GRIP1: variants seen among roughly 807,000 people sequenced by gnomAD.
GRIP1 encodes the protein glutamate receptor-interacting protein 1.
GRIP1 carries 45 observed loss-of-function variants against 129.9 expected under a neutral mutation model. The ratio of observed to expected loss-of-function variants is 0.35; its 90% confidence interval spans 0.27 to 0.44. The LOEUF (loss-of-function observed/expected upper bound fraction) is 0.44, where lower values mean the gene tolerates loss of function less well. Ranked by LOEUF, GRIP1 falls within the 20% of genes least tolerant of loss-of-function variation. The pLI is 1.00. For synonymous variants in GRIP1, 530 were observed against 520.8 expected (o/e 1.02, Z -0.24); for missense variants, 1,196 against 1,396.8 (o/e 0.86, Z 2.29).
At chr12:66,610,030 A>C (rs1006774372) in intron 1 of GRIP1, among the ~76,000 whole-genome samples, 1 of 152,160 alleles carries the variant, frequency 6.6e-6, no homozygotes, top group African/African-American at 2.4e-5. Flanking sequence ...TCAAGAAGTC[A>C]AAGCTTTAGA....
At chr12:66,692,694 T>C (rs1186864418) in intron 1 of GRIP1, among the ~76,000 whole-genome samples, 1 of 152,178 alleles carries the variant, frequency 6.6e-6, no homozygotes, top group South Asian at 2.1e-4. Flanking sequence ...CTAGGACCAC[T>C]GAGCACCACA....
chr12:66,584,654 A>T (rs2063543789), intron 2 of GRIP1, among the ~76,000 whole-genome samples: 1 of 152,190 alleles, frequency 6.6e-6, no homozygotes. Flanking sequence ...TGGGAATGTC[A>T]CGGGCCTCAG....
intron 19 of GRIP1, among the ~76,000 whole-genome samples, chr12:66,387,888 T>C (rs1202897565): frequency 6.6e-6 from 1 of 152,224 alleles, no homozygotes; most frequent in Non-Finnish European, 1.5e-5. Context: ...TGACATTAAA[T>C]AAAGTTGGAC....
At chr12:66,463,181 T>G in intron 8 of GRIP1, 88 bp from the exon 9 acceptor site, 2 of 1,147,044 alleles carry the variant, frequency 1.7e-6, no homozygotes, top group Non-Finnish European at 2.6e-6. Context: ...AATTTCACAG[T>G]TTTTCATTTA....
chr12:66,951,596 T>C (rs1043077716), intron 1 of GRIP1, among the ~76,000 whole-genome samples: 2 of 152,170 alleles, frequency 1.3e-5, no homozygotes, highest in Non-Finnish European at 2.9e-5. Flanking sequence ...TTTAAAAAGA[T>C]TGCTCTGGCT....
At chr12:66,982,762 C>T (rs2042257673) in intron 1 of GRIP1, among the ~76,000 whole-genome samples, 1 of 152,074 alleles carries the variant, frequency 6.6e-6, no homozygotes, top group Admixed American at 6.6e-5. Context: ...TGTGAGAGAC[C>T]TTGAGACACA....
intron 1 of GRIP1, among the ~76,000 whole-genome samples, chr12:66,928,712 G>C (rs572877718): frequency 6.6e-6 from 1 of 152,190 alleles, no homozygotes; most frequent in Non-Finnish European, 1.5e-5. Flanking sequence ...GAAGTAGCTT[G>C]TCAAAAGCAT....
At position 66,526,610 on chromosome 12, in the gene GRIP1, T is replaced by C. The variant is rs575043348; in HGVS notation, c.502+3221A>G. Among the ~76,000 whole-genome samples the C allele has an allele frequency of 2.4e-3, 358 of 152,164 alleles. 1 individual carries two copies. The highest frequency in any genetic ancestry group is 1.5e-3 in the Non-Finnish European group (105 of 68,012). On this transcript the variant is annotated intron_variant, in intron 5 of 24. Transcript: ENST00000359742. ...AACCTAGGCAATATCATTCAGGACATAGGCATGGGCAAGGACTTCATGTCT... is the reference window on the plus strand; with the variant it reads ...AACCTAGGCAATATCATTCAGGACACAGGCATGGGCAAGGACTTCATGTCT...
At chr12:66,588,976 C>CA (rs71278230) in intron 2 of GRIP1, among the ~76,000 whole-genome samples, 33,330 of 135,162 alleles carry the variant, frequency 0.25, 4,091 homozygotes, top group Admixed American at 0.28. Flanking sequence ...CCCCCTCCTA[C>CA]AAAAAAAAAA....
intron 1 of GRIP1, among the ~76,000 whole-genome samples, chr12:66,913,163 A>G (rs1350733582): frequency 6.6e-6 from 1 of 152,186 alleles, no homozygotes; most frequent in Non-Finnish European, 1.5e-5. Flanking sequence ...TTGAAACTCC[A>G]AAATACCATA....
At chr12:66,661,178 A>G (rs1197663720) in intron 1 of GRIP1, among the ~76,000 whole-genome samples, 1 of 152,052 alleles carries the variant, frequency 6.6e-6, no homozygotes, top group Non-Finnish European at 1.5e-5. Flanking sequence ...CTGAAAGCAG[A>G]ACTGTCCTTC....
chr12:66,533,495 A>G (rs1423498208), intron 4 of GRIP1, among the ~76,000 whole-genome samples: 1 of 152,044 alleles, frequency 6.6e-6, no homozygotes, highest in Non-Finnish European at 1.5e-5. Flanking sequence ...AAATATAAAA[A>G]TTAGCCGGAC....
At chr12:66,583,199 GC>G (rs2063474904) in intron 2 of GRIP1, among the ~76,000 whole-genome samples, 1 of 150,874 alleles carries the variant, frequency 6.6e-6, no homozygotes, top group East Asian at 1.9e-4. Flanking sequence ...AAACTGGCTA[GC>G]CATATGTAGA....
intron 1 of GRIP1, among the ~76,000 whole-genome samples, chr12:66,898,234 G>A (rs1410418009): frequency 6.6e-6 from 1 of 152,158 alleles, no homozygotes; most frequent in Non-Finnish European, 1.5e-5. Flanking sequence ...GAGACACAGA[G>A]TCCTTAGCCT....
chr12:66,523,287 G>A (rs924276612), intron 5 of GRIP1, among the ~76,000 whole-genome samples: 23 of 150,422 alleles, frequency 1.5e-4, no homozygotes, highest in Admixed American at 1.3e-3. Context: ...GAGAAAGGTC[G>A]GGTTACCCAC....
chr12:66,475,747 G>A (rs1460872696), intron 7 of GRIP1, among the ~76,000 whole-genome samples: 1 of 152,170 alleles, frequency 6.6e-6, no homozygotes, highest in East Asian at 1.9e-4. Flanking sequence ...ATAATGAAAT[G>A]AAGGCAAAAA....
At chr12:66,351,938 T>C (rs2054245979) in intron 24 of GRIP1, among the ~76,000 whole-genome samples, 1 of 152,142 alleles carries the variant, frequency 6.6e-6, no homozygotes, top group Admixed American at 6.5e-5. Context: ...TCAATCAAGG[T>C]TGAGAATCGC....
rs1371302490 is a variant in GRIP1 at position 66,922,712 on chromosome 12, C to T, written c.58+146338G>A. Among the ~76,000 whole-genome samples, 4 of 152,326 alleles carry T rather than the reference C, an allele frequency of 2.6e-5. No homozygotes were observed. The East Asian group carries it at 7.7e-4, about 29-fold the overall frequency. On this transcript the variant is annotated intron_variant, in intron 1 of 1. Coordinates refer to the GRIP1 transcript ENST00000643019. ...GAAAATACTTCAAAGGGAACTGACT[C>T]AGTTGACTGCTTTTACCCTTCCCCC...
At chr12:66,516,187 G>A (rs1379244715) in intron 6 of GRIP1, among the ~76,000 whole-genome samples, 1 of 152,150 alleles carries the variant, frequency 6.6e-6, no homozygotes, top group Non-Finnish European at 1.5e-5. Flanking sequence ...AATCCAAGCA[G>A]GATAGGAACT....
Sources: gnomAD v4.1 joint callset for allele counts (sites outside exome capture counted in the v4.1 genomes callset) on GRCh38, gnomAD v4.1.1 for gene constraint, MANE v1.5 for transcripts, NCBI Gene and HGNC (gene_info 2026-07-23, HGNC 2026-07-21) for gene names.